NEK11: variants seen among roughly 807,000 people sequenced by gnomAD.
The protein encoded by NEK11 is serine/threonine-protein kinase Nek11.
Under a neutral mutation model 80.7 loss-of-function variants are expected in NEK11, and 72 were observed. That is an observed-to-expected ratio of 0.89 (90% CI 0.74 to 1.08). The LOEUF (loss-of-function observed/expected upper bound fraction) is 1.08. NEK11 is among the 50% of genes least tolerant of loss of function. NEK11 has a pLI of 0.00. For missense variants in NEK11, 764 were observed against 763.6 expected (o/e 1.00, Z -0.01); for synonymous variants, 251 against 260.7 (o/e 0.96, Z 0.36).
At chr3:131,137,986 G>C (rs1023111005) in intron 7 of NEK11, among the ~76,000 whole-genome samples, 4 of 152,282 alleles carry the variant, frequency 2.6e-5, no homozygotes, top group African/African-American at 9.6e-5. Flanking sequence ...TTCTCCTCCA[G>C]CATTTATCCT....
chr3:131,253,961 A>G lies in NEK11; in HGVS notation c.1621+10465A>G, dbSNP rs572161934. ...AATATTGTTAAAGGGATTTATTTAT[A>G]TTACAAAGTCTTTTCCTTGCTACCT... On this transcript the variant is annotated intron_variant, in intron 16 of 17. Coordinates refer to ENST00000383366, the MANE Select transcript of NEK11 (RefSeq NM_024800.5). Among the ~76,000 whole-genome samples the G allele has an allele frequency of 1.1e-3, 162 of 152,296 alleles. 1 individual carries two copies. The highest frequency in any genetic ancestry group is 6.8e-3 in the Middle Eastern group (2 of 294).
At chr3:131,225,056 T>A (rs2095149698) in intron 14 of NEK11, among the ~76,000 whole-genome samples, 1 of 152,202 alleles carries the variant, frequency 6.6e-6, no homozygotes, top group Admixed American at 6.5e-5. Flanking sequence ...ACAGTAATGT[T>A]CTAGGCCTTC....
chr3:131,188,285 G>T (rs2093668347), intron 14 of NEK11, among the ~76,000 whole-genome samples: 1 of 152,114 alleles, frequency 6.6e-6, no homozygotes, highest in South Asian at 2.1e-4. Flanking sequence ...ATAGTCAGTG[G>T]TATTTCTTTT....
chr3:131,216,249 A>G (rs1203531146), intron 14 of NEK11, among the ~76,000 whole-genome samples: 1 of 152,268 alleles, frequency 6.6e-6, no homozygotes, highest in African/African-American at 2.4e-5. Flanking sequence ...CCAGACCAGG[A>G]CAGCCCAATC....
At chr3:131,317,072 T>A (rs2096848180) in intron 17 of NEK11, among the ~76,000 whole-genome samples, 1 of 152,170 alleles carries the variant, frequency 6.6e-6, no homozygotes, top group Non-Finnish European at 1.5e-5. Context: ...GGCAATAATT[T>A]CCTTTTTGTT....
intron 17 of NEK11, among the ~76,000 whole-genome samples, chr3:131,299,087 T>C (rs1581601762): frequency 6.6e-6 from 1 of 152,316 alleles, no homozygotes; most frequent in South Asian, 2.1e-4. Context: ...TTTTTTACAC[T>C]TTTATTTTAG....
chr3:131,057,051 C>A (rs1383491373), intron 3 of NEK11, among the ~76,000 whole-genome samples: 1 of 116,970 alleles, frequency 8.5e-6, no homozygotes, highest in African/African-American at 3.3e-5. Flanking sequence ...CCCCACCCCA[C>A]AACTGTCCCC....
chr3:131,266,146 T>G (rs1288810788), intron 16 of NEK11, among the ~76,000 whole-genome samples: 1 of 152,186 alleles, frequency 6.6e-6, no homozygotes, highest in East Asian at 1.9e-4. Flanking sequence ...TCTATTTTGT[T>G]GTCAGTAAAC....
intron 14 of NEK11, among the ~76,000 whole-genome samples, chr3:131,213,643 C>A (rs776167015): frequency 4.6e-5 from 7 of 152,118 alleles, no homozygotes; most frequent in Non-Finnish European, 1.0e-4. Flanking sequence ...GAACAGAAAT[C>A]AGTGGTCTAT....
chr3:131,116,416 A>G (rs2081242030), intron 5 of NEK11, among the ~76,000 whole-genome samples: 1 of 152,204 alleles, frequency 6.6e-6, no homozygotes, highest in Non-Finnish European at 1.5e-5. Context: ...TGTTATTGTG[A>G]ATAGTGCCAC....
At chr3:131,168,583 C>G (rs2092448075) in intron 12 of NEK11, among the ~76,000 whole-genome samples, 1 of 151,886 alleles carries the variant, frequency 6.6e-6, no homozygotes, top group Non-Finnish European at 1.5e-5. Flanking sequence ...GTCTCGATCT[C>G]CTGACCTCGT....
At chr3:131,088,534 A>G (rs1290146289) in intron 4 of NEK11, among the ~76,000 whole-genome samples, 3 of 152,218 alleles carry the variant, frequency 2.0e-5, no homozygotes, top group South Asian at 4.1e-4. Flanking sequence ...AATTTATATA[A>G]ATACAAGTGT....
intron 7 of NEK11, among the ~76,000 whole-genome samples, chr3:131,134,866 G>A (rs542221270): frequency 6.6e-6 from 1 of 152,280 alleles, no homozygotes; most frequent in East Asian, 1.9e-4. Flanking sequence ...GTATGTTCTA[G>A]TGTAAGCAAT....
intron 3 of NEK11, among the ~76,000 whole-genome samples, chr3:131,076,338 A>G (rs1474168773): frequency 6.6e-6 from 1 of 152,210 alleles, no homozygotes; most frequent in South Asian, 2.1e-4. Flanking sequence ...GTAAGGAAAT[A>G]CACAGAAATG....
At chr3:131,182,726 C>A (rs918651984) in intron 14 of NEK11, among the ~76,000 whole-genome samples, 2 of 152,134 alleles carry the variant, frequency 1.3e-5, no homozygotes, top group African/African-American at 2.4e-5. Context: ...AAGATGCCTG[C>A]AGTCTTTCAT....
chr3:131,181,615 G>A (rs537053685), intron 14 of NEK11, among the ~76,000 whole-genome samples: 13 of 151,896 alleles, frequency 8.6e-5, no homozygotes, highest in Middle Eastern at 3.4e-3. Flanking sequence ...GTGTGGTGGC[G>A]GGCGCCTGTA....
At chr3:131,169,747 A>G (rs12485785) in intron 13 of NEK11, among the ~76,000 whole-genome samples, 13,808 of 152,240 alleles carry the variant, frequency 0.091, 1,147 homozygotes, top group East Asian at 0.43. Context: ...AAGAGAAGCA[A>G]TTATAACAAT....
chr3:131,151,736 T>C (rs1396972091), intron 7 of NEK11, among the ~76,000 whole-genome samples: 1 of 151,982 alleles, frequency 6.6e-6, no homozygotes, highest in African/African-American at 2.4e-5. Context: ...ATTTAAAATA[T>C]TTTCCGGCTG....
intron 17 of NEK11, among the ~76,000 whole-genome samples, chr3:131,347,090 A>G (rs2097374105): frequency 6.6e-6 from 1 of 152,150 alleles, no homozygotes; most frequent in African/African-American, 2.4e-5. Context: ...GACTGAGGTG[A>G]CTAGGGATGT....
Sources: gnomAD v4.1 joint callset for allele counts (sites outside exome capture counted in the v4.1 genomes callset) on GRCh38, gnomAD v4.1.1 for gene constraint, MANE v1.5 for transcripts, NCBI Gene and HGNC (gene_info 2026-07-23, HGNC 2026-07-21) for gene names.